The following WDR41 variants were observed in gnomAD, a reference collection of about 807,000 sequenced individuals.
WDR41 encodes the protein WD repeat domain 41.
A neutral mutation model predicts 69.3 loss-of-function variants in WDR41; 63 were observed. That is an observed-to-expected ratio of 0.91 (90% CI 0.74 to 1.12). WDR41 has a LOEUF of 1.12. WDR41 is among the 50% of genes most tolerant of loss of function. WDR41 has a pLI of 0.00. For synonymous variants in WDR41, 185 were observed against 192.1 expected (o/e 0.96, Z 0.31); for missense variants, 543 against 534.5 (o/e 1.02, Z -0.16).
chr5:77,510,362 AC>A (rs568444887), intron 1 of WDR41, among the ~76,000 whole-genome samples: 24 of 152,196 alleles, frequency 1.6e-4, no homozygotes, highest in Non-Finnish European at 3.2e-4. Flanking sequence ...CTCCCACAAC[AC>A]ATGGGAATTA....
Position 77,444,150 on chromosome 5 carries a change from G to C in WDR41, c.698-3153C>G, listed in dbSNP as rs537367623. On this transcript the variant is annotated intron_variant, in intron 8 of 12. Coordinates refer to ENST00000296679, the MANE Select transcript of WDR41 (RefSeq NM_018268.4). ...CCACCTCAAGCTCCCAAAGTGCTGGGATTACAGGCGTGAGTCACTGCACCT... is the reference window on the plus strand; with the variant it reads ...CCACCTCAAGCTCCCAAAGTGCTGGCATTACAGGCGTGAGTCACTGCACCT... 4.6e-4 allele frequency among the ~76,000 whole-genome samples: 69 copies of C among 149,174 alleles called. No homozygotes were observed. The South Asian group carries it at 0.015, about 32-fold the overall frequency.
At chr5:77,594,410 A>T (rs2112312747) in intron 1 of WDR41, among the ~76,000 whole-genome samples, 2 of 152,262 alleles carry the variant, frequency 1.3e-5, no homozygotes, top group South Asian at 2.1e-4. Context: ...AACTTAGAGT[A>T]TAATAAAAAA....
At chr5:77,559,480 G>A (rs942774020) in intron 1 of WDR41, among the ~76,000 whole-genome samples, 5 of 151,970 alleles carry the variant, frequency 3.3e-5, no homozygotes, top group East Asian at 3.9e-4. Flanking sequence ...TAATTAGACC[G>A]TACTGGTGGT....
intron 1 of WDR41, among the ~76,000 whole-genome samples, chr5:77,610,614 T>C (rs549083936): frequency 2.8e-4 from 43 of 152,170 alleles, no homozygotes; most frequent in African/African-American, 9.6e-4. Flanking sequence ...CTGAGAGATT[T>C]TGTCACCACC....
At chr5:77,538,810 TATTG>T (rs1743036163) in intron 1 of WDR41, among the ~76,000 whole-genome samples, 1 of 152,214 alleles carries the variant, frequency 6.6e-6, no homozygotes, top group Admixed American at 6.5e-5. Context: ...AGGATAATTA[TATTG>T]GCCACTCAAG....
chr5:77,577,020 A>T (rs1052621024), intron 1 of WDR41, among the ~76,000 whole-genome samples: 2 of 152,164 alleles, frequency 1.3e-5, no homozygotes, highest in African/African-American at 4.8e-5. Flanking sequence ...TTGGAAGTGA[A>T]GGAAACAGGA....
Position 77,583,539 on chromosome 5 carries a change from C to T in WDR41, c.42+36940G>A, listed in dbSNP as rs566746658. ...AAAAAAGAAAAAAAAAAGCTACCCA[C>T]GTATACGTTTCATGTCTGTATCAAA... On this transcript the variant is annotated intron_variant, in intron 1 of 5. Coordinates refer to the WDR41 transcript ENST00000509971. Among the ~76,000 whole-genome samples, 234 of 151,604 alleles carry T rather than the reference C, an allele frequency of 1.5e-3. 2 individuals are homozygous for T. The highest frequency in any genetic ancestry group is 5.4e-3 in the African/African-American group (223 of 41,388).
intron 1 of WDR41, among the ~76,000 whole-genome samples, chr5:77,515,602 T>C (rs1802280558): frequency 6.6e-6 from 1 of 152,202 alleles, no homozygotes; most frequent in Admixed American, 6.5e-5. Flanking sequence ...GTACATATTA[T>C]ATATGCTCTA....
intron 1 of WDR41, among the ~76,000 whole-genome samples, chr5:77,613,133 T>C (rs1458125907): frequency 6.6e-6 from 1 of 151,358 alleles, no homozygotes; most frequent in Non-Finnish European, 1.5e-5. Flanking sequence ...CACTGCTCAA[T>C]GAAATAAAAG....
chr5:77,532,815 C>T (rs868435655), intron 1 of WDR41, among the ~76,000 whole-genome samples: 6 of 151,742 alleles, frequency 4.0e-5, no homozygotes, highest in Admixed American at 3.9e-4. Context: ...AAAAGAAAAG[C>T]AAGGAAATGA....
chr5:77,506,639 A>C (rs925088927), intron 1 of WDR41, among the ~76,000 whole-genome samples: 1 of 152,226 alleles, frequency 6.6e-6, no homozygotes, highest in African/African-American at 2.4e-5. Flanking sequence ...AACCAACCCA[A>C]ATGTCCATCA....
At chr5:77,547,632 A>C (rs1422938345) in intron 1 of WDR41, among the ~76,000 whole-genome samples, 1 of 147,594 alleles carries the variant, frequency 6.8e-6, no homozygotes, top group Non-Finnish European at 1.5e-5. Flanking sequence ...GAAAACATAG[A>C]TGCCACAAAC....
chr5:77,435,073 C>T (rs900875197), intron 12 of WDR41, among the ~76,000 whole-genome samples: 1 of 152,152 alleles, frequency 6.6e-6, no homozygotes, highest in African/African-American at 2.4e-5. Flanking sequence ...AGCCAAGGTG[C>T]TCCTTGCCAC....
At chr5:77,475,498 A>G (rs559476397) in intron 2 of WDR41, among the ~76,000 whole-genome samples, 1 of 152,344 alleles carries the variant, frequency 6.6e-6, no homozygotes, top group South Asian at 2.1e-4. Flanking sequence ...TGCCTCCTCA[A>G]GTGGGTCCCT....
chr5:77,582,312 T>TG (rs1743952947), intron 1 of WDR41: 3 of 1,450,490 alleles, frequency 2.1e-6, no homozygotes, highest in Non-Finnish European at 1.9e-6. Flanking sequence ...TATGCATAGA[T>TG]ATATAACAAG....
At chr5:77,557,396 A>G (rs564421336) in intron 1 of WDR41, among the ~76,000 whole-genome samples, 1 of 152,338 alleles carries the variant, frequency 6.6e-6, no homozygotes, top group South Asian at 2.1e-4. Context: ...ATAAGTCACC[A>G]GAGAAACACA....
At chr5:77,494,159 C>G (rs1053778727), upstream of WDR41, among the ~76,000 whole-genome samples, 7 of 151,756 alleles carry the variant, frequency 4.6e-5, no homozygotes, top group Non-Finnish European at 1.0e-4. Context: ...CACAAAAATA[C>G]CTGTAAAATA....
At chr5:77,562,645 T>A (rs1367246901) in intron 1 of WDR41, among the ~76,000 whole-genome samples, 1 of 152,156 alleles carries the variant, frequency 6.6e-6, no homozygotes, top group African/African-American at 2.4e-5. Flanking sequence ...AGAGAGGAAT[T>A]TAGAGACAAA....
At chr5:77,602,325 A>T (rs1744337815) in intron 1 of WDR41, among the ~76,000 whole-genome samples, 1 of 152,068 alleles carries the variant, frequency 6.6e-6, no homozygotes, top group African/African-American at 2.4e-5. Flanking sequence ...TTTTTGGTAG[A>T]GACGGGGTTT....
Sources: gnomAD v4.1 joint callset for allele counts (sites outside exome capture counted in the v4.1 genomes callset) on GRCh38, gnomAD v4.1.1 for gene constraint, MANE v1.5 for transcripts, NCBI Gene and HGNC (gene_info 2026-07-23, HGNC 2026-07-21) for gene names.